CADPS: variants seen among roughly 807,000 people sequenced by gnomAD.
CADPS encodes the protein calcium dependent secretion activator.
In CADPS, 57 loss-of-function variants were observed where a neutral mutation model predicts 167.3. The observed-to-expected ratio is 0.34, with a 90% CI of 0.28 to 0.42. The LOEUF (loss-of-function observed/expected upper bound fraction) is 0.42. CADPS is among the 20% of genes least tolerant of loss of function. CADPS has a pLI of 1.00. For missense variants in CADPS, 1,414 were observed against 1,738.1 expected, an observed-to-expected ratio of 0.81 and a Z score of 3.32; for synonymous variants, 676 against 635.3, an observed-to-expected ratio of 1.06 and a Z score of -0.96.
chr3:62,555,715 A>G (rs972745810), intron 10 of CADPS, among the ~76,000 whole-genome samples: 4 of 152,042 alleles, frequency 2.6e-5, no homozygotes, highest in Non-Finnish European at 4.4e-5. Flanking sequence ...TTAGCGTCCC[A>G]TTTTATGTTT....
At position 62,591,973 on chromosome 3, in the gene CADPS, C is replaced by G. The variant is rs754784005; in HGVS notation, c.1437+664G>C. Among the ~76,000 whole-genome samples, 7 of 152,266 alleles carry G rather than the reference C, an allele frequency of 4.6e-5. No homozygotes were observed. The East Asian group carries it at 1.2e-3, about 25-fold the overall frequency. ...TGTTTATAATGAACTACGTGGAGAT[C>G]TTAACTCTTGTCTTACATTTCAAAT... On this transcript the variant is annotated intron_variant, in intron 7 of 29. Transcript: ENST00000383710.
At chr3:62,835,693 T>G (rs1279898613) in intron 1 of CADPS, among the ~76,000 whole-genome samples, 1 of 152,128 alleles carries the variant, frequency 6.6e-6, no homozygotes, top group Admixed American at 6.6e-5. Context: ...AGCTGCGTAG[T>G]ATTGCCAGGA....
chr3:62,744,358 CAA>C (rs35709214), intron 3 of CADPS, among the ~76,000 whole-genome samples: 1 of 140,048 alleles, frequency 7.1e-6, no homozygotes, highest in African/African-American at 2.6e-5. Flanking sequence ...TTCATATTTT[CAA>C]AAAAAAAAAG....
chr3:62,518,282 A>G, intron 13 of CADPS, 32 bp from the exon 14 acceptor site: 1 of 1,483,186 alleles, frequency 6.7e-7, no homozygotes, highest in Non-Finnish European at 9.4e-7. Context: ...AATGACGGGA[A>G]CCTCATATGC....
intron 1 of CADPS, among the ~76,000 whole-genome samples, chr3:62,851,218 CTCTT>C: frequency 7.1e-6 from 1 of 141,814 alleles, no homozygotes; most frequent in South Asian, 2.5e-4. Flanking sequence ...TGGGTCTTGA[CTCTT>C]TATCCAACTT....
At chr3:62,414,238 C>A (rs913558351) in intron 28 of CADPS, among the ~76,000 whole-genome samples, 2 of 152,162 alleles carry the variant, frequency 1.3e-5, no homozygotes, top group Admixed American at 1.3e-4. Context: ...TATCCACCAG[C>A]CCCCGCTCCA....
At chr3:62,546,064 G>A (rs2152168368) in intron 11 of CADPS, among the ~76,000 whole-genome samples, 1 of 151,418 alleles carries the variant, frequency 6.6e-6, no homozygotes, top group South Asian at 2.1e-4. Context: ...GCAGAGTTAA[G>A]TACTTAACAA....
At chr3:62,460,402 A>T (rs1236183314) in intron 26 of CADPS, among the ~76,000 whole-genome samples, 1 of 152,188 alleles carries the variant, frequency 6.6e-6, no homozygotes, top group Non-Finnish European at 1.5e-5. Flanking sequence ...TGGAGGGTGA[A>T]CCAAAACCTC....
chr3:62,463,841 G>A (rs1018558317), intron 26 of CADPS, among the ~76,000 whole-genome samples: 2 of 152,136 alleles, frequency 1.3e-5, no homozygotes, highest in African/African-American at 4.8e-5. Flanking sequence ...TAAGCTCCAG[G>A]GATAGGGGCC....
chr3:62,492,730 C>G (rs1458729938), intron 19 of CADPS, among the ~76,000 whole-genome samples: 12 of 152,156 alleles, frequency 7.9e-5, no homozygotes, highest in Non-Finnish European at 2.9e-5. Flanking sequence ...GTTCAATTTA[C>G]AATAACTCAG....
At chr3:62,645,301 T>G (rs2068306427) in intron 6 of CADPS, among the ~76,000 whole-genome samples, 1 of 152,112 alleles carries the variant, frequency 6.6e-6, no homozygotes, top group African/African-American at 2.4e-5. Context: ...ACTGAAGAAC[T>G]TAGTAATATA....
At chr3:62,727,404 T>C (rs758130187) in intron 3 of CADPS, among the ~76,000 whole-genome samples, 5 of 151,896 alleles carry the variant, frequency 3.3e-5, no homozygotes, top group Non-Finnish European at 7.3e-5. Flanking sequence ...AACTAATTTG[T>C]AAGAACAGGT....
intron 1 of CADPS, among the ~76,000 whole-genome samples, chr3:62,790,926 CA>C (rs1206137414): frequency 6.6e-6 from 1 of 151,188 alleles, no homozygotes; most frequent in East Asian, 1.9e-4. Context: ...TTGTTACCGT[CA>C]TGATAATTCT....
intron 6 of CADPS, among the ~76,000 whole-genome samples, chr3:62,635,088 T>C (rs9855708): frequency 0.071 from 10,871 of 152,216 alleles, 461 homozygotes; most frequent in African/African-American, 0.12. Flanking sequence ...AGAGACCAGG[T>C]TGTTTTTGAG....
At chr3:62,578,534 C>A (rs935445189) in intron 8 of CADPS, among the ~76,000 whole-genome samples, 1 of 142,358 alleles carries the variant, frequency 7.0e-6, no homozygotes, top group Non-Finnish European at 1.5e-5. Context: ...GGAGTGAACC[C>A]GGGAGGCGGA....
intron 2 of CADPS, among the ~76,000 whole-genome samples, chr3:62,757,620 T>C (rs2084304550): frequency 6.6e-6 from 1 of 152,148 alleles, no homozygotes; most frequent in African/African-American, 2.4e-5. Flanking sequence ...AGATTTTCCA[T>C]GGGGCCTGAT....
intron 5 of CADPS, among the ~76,000 whole-genome samples, chr3:62,650,511 A>T (rs528456734): frequency 1.3e-5 from 2 of 152,366 alleles, no homozygotes; most frequent in South Asian, 2.1e-4. Context: ...ATATGATGCT[A>T]GCTTGCCTCT....
intron 1 of CADPS, among the ~76,000 whole-genome samples, chr3:62,842,495 T>G (rs1420672404): frequency 6.6e-6 from 1 of 152,206 alleles, no homozygotes; most frequent in Non-Finnish European, 1.5e-5. Flanking sequence ...GTGTTTAATT[T>G]TCTTCATGAT....
intron 1 of CADPS, among the ~76,000 whole-genome samples, chr3:62,774,848 C>A (rs1325883410): frequency 6.6e-6 from 1 of 152,066 alleles, no homozygotes; most frequent in Non-Finnish European, 1.5e-5. Flanking sequence ...ATAGCCTTTT[C>A]AGACAAATGG....
Sources: gnomAD v4.1 joint callset for allele counts (sites outside exome capture counted in the v4.1 genomes callset) on GRCh38, gnomAD v4.1.1 for gene constraint, MANE v1.5 for transcripts, NCBI Gene and HGNC (gene_info 2026-07-23, HGNC 2026-07-21) for gene names.